SUDS3: variants seen among roughly 807,000 people sequenced by gnomAD.
The protein encoded by SUDS3 is sin3 histone deacetylase corepressor complex component SDS3.
Under a neutral mutation model 53.5 loss-of-function variants are expected in SUDS3, and 23 were observed. The ratio of observed to expected loss-of-function variants is 0.43; its 90% CI spans 0.31 to 0.61. SUDS3 has a LOEUF of 0.61. Among genes scored for constraint, SUDS3 ranks in the 20% least tolerant of loss-of-function variants. SUDS3 has a pLI of 0.10. For synonymous variants in SUDS3, 150 were observed against 148.5 expected, an observed-to-expected ratio of 1.01 and a Z score of -0.08; for missense variants, 291 against 405.9, an observed-to-expected ratio of 0.72 and a Z score of 2.43.
chr12:118,380,558 A>G (rs1040082227), intron 2 of SUDS3, among the ~76,000 whole-genome samples: 1 of 152,192 alleles, frequency 6.6e-6, no homozygotes, highest in Non-Finnish European at 1.5e-5. Flanking sequence ...AAGACCATGT[A>G]TGTTTACAAT....
chr12:118,397,263 C>G (rs2046224532), intron 6 of SUDS3, among the ~76,000 whole-genome samples: 1 of 152,064 alleles, frequency 6.6e-6, no homozygotes, highest in Non-Finnish European at 1.5e-5. Context: ...AGCTTCAGTT[C>G]TGGAAGTTTG....
At chr12:118,390,014 G>T in intron 5 of SUDS3, 68 bp downstream of exon 5, 2 of 1,597,120 alleles carry the variant, frequency 1.3e-6, no homozygotes, top group Non-Finnish European at 1.7e-6. Context: ...TCCTGATCTG[G>T]TGGCTTTTCC....
At chr12:118,403,004 T>C (rs930255027) in intron 9 of SUDS3, among the ~76,000 whole-genome samples, 8 of 152,188 alleles carry the variant, frequency 5.3e-5, no homozygotes, top group African/African-American at 1.9e-4. Context: ...GTGATTCACC[T>C]GCCTCAGCCT....
At chr12:118,403,390 C>G (rs369496220) in intron 9 of SUDS3, 22 bp from the exon 10 acceptor site, 1 of 1,587,318 alleles carries the variant, frequency 6.3e-7, no homozygotes, top group Admixed American at 1.7e-5. Context: ...TTCTTAGTCA[C>G]GTAAGTATTG....
intron 10 of SUDS3, 81 bp downstream of exon 10, chr12:118,403,598 C>A (rs2046283587): frequency 1.8e-6 from 2 of 1,108,546 alleles, no homozygotes; most frequent in Non-Finnish European, 2.7e-6. Flanking sequence ...GTAGTTATTT[C>A]AGATCACGGC....
chr12:118,376,888 G>T, intron 1 of SUDS3, 55 bp downstream of exon 1: 1 of 1,466,072 alleles, frequency 6.8e-7, no homozygotes, highest in Non-Finnish European at 9.0e-7. Flanking sequence ...CGCTGGGGGA[G>T]GGGGTGGGGC....
chr12:118,396,692 A>G (rs1307467649), intron 6 of SUDS3, among the ~76,000 whole-genome samples: 1 of 152,256 alleles, frequency 6.6e-6, no homozygotes, highest in African/African-American at 2.4e-5. Flanking sequence ...ATAGGCAGGT[A>G]TGCTGTTGGA....
chr12:118,398,387 G>A (rs1218497217), intron 6 of SUDS3, among the ~76,000 whole-genome samples: 1 of 152,154 alleles, frequency 6.6e-6, no homozygotes, highest in African/African-American at 2.4e-5. Context: ...TGTGTCACTG[G>A]CCAGTAACTA....
In SUDS3 at chr12:118,403,473, C is replaced by G; in HGVS notation, c.759C>G (p.Phe253Leu). 1 of 1,613,592 alleles carries G rather than the reference C, an allele frequency of 6.2e-7. No homozygotes were observed. The highest frequency in any genetic ancestry group is 1.1e-5 in the South Asian group (1 of 90,916). ...CCGCGGAATCTCCAGCCCAGAGGTT[C>G]GAAGCTCGGATAGAAGATGGCAAAC... Reference protein sequence around the residue: ...ATPAESPAQRFEARIEDGKLY... With the variant: ...ATPAESPAQRLEARIEDGKLY... Residue 253 changes from phenylalanine (F) to leucine (L), a missense_variant, in exon 10 of 12, where the codon TTC (phenylalanine) becomes TTG (leucine). By Grantham distance (22) the Phe-to-Leu change is conservative (BLOSUM62 0). Coordinates refer to ENST00000543473, the MANE Select transcript of SUDS3 (RefSeq NM_022491.3).
chr12:118,382,770 C>G (rs1415467723), intron 2 of SUDS3, among the ~76,000 whole-genome samples: 4 of 151,320 alleles, frequency 2.6e-5, no homozygotes, highest in Non-Finnish European at 4.4e-5. Flanking sequence ...TGGGTTCAAG[C>G]TATTCTTCTG....
rs764497227 is a variant in SUDS3, at chr12:118,402,112, A to T, written c.697+108A>T. On this transcript the variant is annotated intron_variant, in intron 9 of 11. Coordinates refer to ENST00000543473, the MANE Select transcript of SUDS3 (RefSeq NM_022491.3). ...TGCAATTTTCAAAAATGAAATGTTCATCATTTGCCTAAGAGTAGTCATCAT... is the reference window on the plus strand; with the variant it reads ...TGCAATTTTCAAAAATGAAATGTTCTTCATTTGCCTAAGAGTAGTCATCAT... 8.0e-5 allele frequency: 103 copies of T among 1,291,110 alleles called. 4 individuals are homozygous for T. In the Middle Eastern group the frequency reaches 0.011, roughly 137 times the overall value. The allele number at this position is 1,291,110 out of a possible 1,614,324, so 80.0% of individuals were successfully genotyped here.
rs1167115125 is a variant in SUDS3 at position 118,414,658 on chromosome 12, G to C, written c.*225G>C. The C allele has an allele frequency of 2.3e-6, 1 of 426,684 alleles. No homozygotes were observed. The highest frequency in any genetic ancestry group is 4.1e-6 in the Non-Finnish European group (1 of 242,246). 26.4% of individuals were successfully genotyped at this position (426,684 alleles called of 1,614,324 possible). A position where few individuals can be genotyped will look rare whatever the true frequency, so the allele number is the denominator to read the frequency against. ...TTCTTCCAGACATCAGTCACCATGA[G>C]ACTGTTTTACTTTCAGGCGTATTGG... On this transcript the variant is annotated 3_prime_UTR_variant, in exon 12 of 12. Transcript: ENST00000543473.
chr12:118,405,030 T>G (rs61943405), intron 10 of SUDS3, among the ~76,000 whole-genome samples: 17,485 of 152,218 alleles, frequency 0.11, 1,269 homozygotes, highest in Middle Eastern at 0.19. Flanking sequence ...CCCCTCTGAG[T>G]TGGTGTTCTT....
At chr12:118,410,970 C>T in intron 10 of SUDS3, 103 bp from the exon 11 acceptor site, 1 of 927,680 alleles carries the variant, frequency 1.1e-6, no homozygotes, top group Non-Finnish European at 1.7e-6. Flanking sequence ...ATTAAGACTT[C>T]TTTAATTATA....
intron 4 of SUDS3, 129 bp from the exon 5 acceptor site, chr12:118,389,798 A>T: frequency 9.0e-7 from 1 of 1,117,160 alleles, no homozygotes; most frequent in African/African-American, 1.5e-5. Context: ...TCAACATTTC[A>T]CTGATGAAAA....
At chr12:118,385,827 A>G (rs2046110123) in intron 3 of SUDS3, among the ~76,000 whole-genome samples, 1 of 152,198 alleles carries the variant, frequency 6.6e-6, no homozygotes, top group South Asian at 2.1e-4. Flanking sequence ...CCGTTGATTC[A>G]GACTGTTGCA....
chr12:118,413,275 A>T (rs2046374026), intron 11 of SUDS3, among the ~76,000 whole-genome samples: 1 of 152,202 alleles, frequency 6.6e-6, no homozygotes, highest in African/African-American at 2.4e-5. Flanking sequence ...GTAAACTTGT[A>T]TATTTGGGTG....
At chr12:118,387,364 CA>C (rs2046124487) in intron 4 of SUDS3, among the ~76,000 whole-genome samples, 1 of 152,112 alleles carries the variant, frequency 6.6e-6, no homozygotes, top group African/African-American at 2.4e-5. Flanking sequence ...ATCCTTTAAG[CA>C]GAATATTTGC....
At chr12:118,391,670 C>A (rs1292283926) in intron 6 of SUDS3, among the ~76,000 whole-genome samples, 1 of 152,224 alleles carries the variant, frequency 6.6e-6, no homozygotes, top group Non-Finnish European at 1.5e-5. Flanking sequence ...TCCCAAATTG[C>A]TTACGCAAGT....
Sources: allele counts gnomAD v4.1 joint callset (sites outside exome capture counted in the v4.1 genomes callset), GRCh38; gene constraint gnomAD v4.1.1; transcripts MANE v1.5; gene names NCBI Gene and HGNC (gene_info 2026-07-23, HGNC 2026-07-21).